CROCC2: variants seen among roughly 807,000 people sequenced by gnomAD.
The protein encoded by CROCC2 is ciliary rootlet coiled-coil protein 2.
Under a neutral mutation model 177.6 loss-of-function variants are expected in CROCC2, and 163 were observed. The observed-to-expected ratio is 0.92, with a 90% CI of 0.81 to 1.05. The LOEUF is 1.05. Ranked by LOEUF, CROCC2 falls within the 50% of genes least tolerant of loss-of-function variation. The probability of loss-of-function intolerance (pLI) is 0.00; values close to 1 mark genes in which losing one functional copy is unlikely to be tolerated. For missense variants in CROCC2, 1,929 were observed against 1,797.8 expected, an observed-to-expected ratio of 1.07 and a Z score of -1.32; for synonymous variants, 904 against 787.3, an observed-to-expected ratio of 1.15 and a Z score of -2.48.
Position 240,946,234 on chromosome 2 carries a change from G to C in CROCC2, c.2344G>C (p.Glu782Gln), listed in dbSNP as rs2059523528. The change falls in exon 15 of 32, where the codon GAA becomes CAA. Residue 782 changes from glutamate (E) to glutamine (Q), a missense_variant. By Grantham distance (29) the Glu-to-Gln change is conservative. Coordinates refer to ENST00000690015, the MANE Select transcript of CROCC2 (RefSeq NM_001351305.2). Reference sequence around the variant, plus strand: ...GGAGAGGCAGGGCCGGCTCGCAGCTGAAGAGGCAGCTGATCTCAGGTATGC... The same window carrying C: ...GGAGAGGCAGGGCCGGCTCGCAGCTCAAGAGGCAGCTGATCTCAGGTATGC... ...ALERQGRLAA[E>Q]EAADLRVERD... is the part of the protein sequence containing the mutation. 1 of 1,535,850 alleles carries C rather than the reference G, an allele frequency of 6.5e-7. No homozygotes were observed. The highest frequency in any genetic ancestry group is 1.2e-5 in the South Asian group (1 of 83,420).
In CROCC2 at chr2:240,968,260, C is replaced by T; in HGVS notation, c.4399C>T (p.Gln1467Ter). 1 of 1,527,208 alleles carries T rather than the reference C, an allele frequency of 6.5e-7. No homozygotes were observed. Among genetic ancestry groups the T allele is most frequent in the East Asian group, 2.5e-5 (1 of 40,744 alleles). The allele number at this position is 1,527,208 out of a possible 1,614,324, so 94.6% of individuals were successfully genotyped here. Residue 1467 changes from glutamine to a stop codon, truncating the protein, a stop_gained and splice_region_variant, in exon 27 of 32, where the codon CAG becomes TAG. Transcript: ENST00000690015. LOFTEE classifies it high-confidence loss of function. ...GGCAGGCCAGGAGAAGCGGCGGCTGCAGGTGGGGCAGGCGGCAGGGTGGGT... is the reference window on the plus strand; with the variant it reads ...GGCAGGCCAGGAGAAGCGGCGGCTGTAGGTGGGGCAGGCGGCAGGGTGGGT... The part of the protein sequence containing the change: ...RAAGQEKRRL[Q>*]EQLETLRQAL...
intron 27 of CROCC2, among the ~76,000 whole-genome samples, chr2:240,977,095 G>A (rs372925508): frequency 6.6e-5 from 3 of 45,428 alleles, no homozygotes; most frequent in African/African-American, 1.2e-4. Context: ...TCCCTGCTCA[G>A]GCTCTGGGGT....
At position 240,933,203 on chromosome 2, in the gene CROCC2, C is replaced by T. The variant is rs1450263933; in HGVS notation, c.1324C>T (p.Arg442Trp). 18 of 1,549,660 alleles carry T rather than the reference C, an allele frequency of 1.2e-5. No homozygotes were observed. Among genetic ancestry groups the T allele is most frequent in the East Asian group, 4.9e-5 (2 of 40,896 alleles). Reference protein sequence around the residue: ...SLQEQLSESRRELWAAQKLQQ... With the variant: ...SLQEQLSESRWELWAAQKLQQ... ...CCAGGAGCAGCTGTCCGAAAGCCGG[C>T]GGGAGCTGTGGGCCGCACAGAAGCT... Residue 442 changes from arginine to tryptophan, a missense_variant, in exon 10 of 32, where the codon CGG (arginine) becomes TGG (tryptophan). By Grantham distance (101) the Arg-to-Trp change is moderately radical. Around this residue, in one of 3 missense-constraint regions of CROCC2, gnomAD observed 1,397 missense variants for 1,239.9 expected, o/e 1.13. Transcript: ENST00000690015.
Position 240,982,803 on chromosome 2 carries a change from C to T in CROCC2, c.4402-77C>T, listed in dbSNP as rs1000168335. 3 of 1,345,146 alleles carry T rather than the reference C, an allele frequency of 2.2e-6. No individual in the cohort carries two copies. In the South Asian group the frequency reaches 4.2e-5, roughly 19 times the overall value. The allele number at this position is 1,345,146 out of a possible 1,614,324, so 83.3% of individuals were successfully genotyped here. A position where few individuals can be genotyped will look rare whatever the true frequency, so the allele number is the denominator to read the frequency against. ...TCCTGCCAGACGGTCTAGGCAGATGCCCTGAGGCCAGGGTTTCCCTGCAGG... is the reference window on the plus strand; with the variant it reads ...TCCTGCCAGACGGTCTAGGCAGATGTCCTGAGGCCAGGGTTTCCCTGCAGG... On this transcript the variant is annotated intron_variant, in intron 27 of 31. Coordinates refer to ENST00000690015, the MANE Select transcript of CROCC2 (RefSeq NM_001351305.2). The surrounding 1 kb of genome is among the most constrained non-coding windows in gnomAD (Gnocchi z 4.7).
intron 23 of CROCC2, 45 bp from the exon 24 acceptor site, chr2:240,965,591 T>A: frequency 6.5e-7 from 1 of 1,549,644 alleles, no homozygotes. Context: ...CCCACCCCAC[T>A]TCCTCACTGT....
At chr2:240,945,825 A>T (rs1445253620) in intron 14 of CROCC2, among the ~76,000 whole-genome samples, 1 of 151,954 alleles carries the variant, frequency 6.6e-6, no homozygotes, top group African/African-American at 2.4e-5. Flanking sequence ...GCTCCTACCT[A>T]GGAGTGCCCA....
chr2:240,914,407 G>C (rs192293876), intron 1 of CROCC2, among the ~76,000 whole-genome samples: 1 of 152,226 alleles, frequency 6.6e-6, no homozygotes, highest in African/African-American at 2.4e-5. Context: ...ATGCTGGCGC[G>C]CGCCTTCACT....
chr2:240,919,823 G>C (rs1172653063), intron 2 of CROCC2, among the ~76,000 whole-genome samples, 160 bp from the exon 3 acceptor site: 1 of 152,150 alleles, frequency 6.6e-6, no homozygotes, highest in Non-Finnish European at 1.5e-5. Flanking sequence ...CCTATGTTAG[G>C]GTCCCGGGCT....
rs761427060 is a variant in CROCC2 at position 240,989,721 on chromosome 2, G to A, written c.4751G>A (p.Arg1584Gln). The A allele has an allele frequency of 2.7e-5, 42 of 1,550,406 alleles. No individual in the cohort carries two copies. The Admixed American group carries it at 3.7e-4, about 14-fold the overall frequency. ...RLQDLTAQHQ[R>Q]DLATEAERLH... ...CAGGACCTGACAGCTCAGCACCAGC[G>A]GGACCTGGCCACAGAGGCAGAGCGT... Residue 1584 changes from arginine (R) to glutamine (Q), a missense_variant, in exon 30 of 32, where the codon CGG (arginine) becomes CAG (glutamine). This residue lies in a region of CROCC2 where 388 missense variants were observed against 352.7 expected (regional missense o/e 1.10). Transcript: ENST00000690015.
rs184919856 is a variant in CROCC2, at chr2:240,974,799, G to A, written c.4401+6537G>A. Among the ~76,000 whole-genome samples, 4 of 152,270 alleles carry A rather than the reference G, an allele frequency of 2.6e-5. No individual in the cohort carries two copies. In the East Asian group the frequency reaches 5.8e-4, roughly 22 times the overall value. ...ATTTTCCCTAATTGTGGTTTGGTAC[G>A]TGTCCCATCAGTTTTTGATGTGAGT... On this transcript the variant is annotated intron_variant, in intron 27 of 31. Coordinates refer to ENST00000690015, the MANE Select transcript of CROCC2 (RefSeq NM_001351305.2).
chr2:240,965,070 G>A (rs886458966), intron 22 of CROCC2, among the ~76,000 whole-genome samples: 2 of 152,124 alleles, frequency 1.3e-5, no homozygotes, highest in African/African-American at 2.4e-5. Flanking sequence ...TGGCGGCCTC[G>A]GGGCAGTTGG....
At chr2:240,940,265 G>A in intron 14 of CROCC2, among the ~76,000 whole-genome samples, 1 of 152,044 alleles carries the variant, frequency 6.6e-6, no homozygotes, top group Non-Finnish European at 1.5e-5. Flanking sequence ...ATTATTAGGT[G>A]TATATATATT....
chr2:240,967,997 C>T lies in CROCC2; in HGVS notation c.4268-132C>T, dbSNP rs1019661653. The T allele has an allele frequency of 3.8e-5, 37 of 964,322 alleles. 1 individual carries two copies. Among genetic ancestry groups the T allele is most frequent in the Non-Finnish European group, 4.9e-5 (35 of 714,502 alleles). 59.7% of individuals were successfully genotyped at this position (964,322 alleles called of 1,614,324 possible). A position where few individuals can be genotyped will look rare whatever the true frequency, so the allele number is the denominator to read the frequency against. The stretch of plus-strand genomic sequence containing the variant: ...CCGGGACCCTGGGGCAGCCCCAGGA[C>T]CCTTGAGCTGCAAGGATGGACCCCC... On this transcript the variant is annotated intron_variant, in intron 26 of 31. Coordinates refer to ENST00000690015, the MANE Select transcript of CROCC2 (RefSeq NM_001351305.2).
Position 240,949,185 on chromosome 2 carries a change from C to A in CROCC2, c.2482+88C>A, listed in dbSNP as rs2059539587. On this transcript the variant is annotated intron_variant, in intron 16 of 31. Coordinates refer to ENST00000690015, the MANE Select transcript of CROCC2 (RefSeq NM_001351305.2). The surrounding 1 kb of genome is among the most constrained non-coding windows in gnomAD (Gnocchi z 4.5). Reference sequence around the variant, plus strand: ...TGGAGCTCAGTGCCCACACGTGCTGCACCCCCTCTCCGGAGCCCACAGGGG... The same window carrying A: ...TGGAGCTCAGTGCCCACACGTGCTGAACCCCCTCTCCGGAGCCCACAGGGG... The A allele has an allele frequency of 6.9e-7, 1 of 1,450,568 alleles. No individual in the cohort carries two copies. The highest frequency in any genetic ancestry group is 2.8e-5 in the Admixed American group (1 of 36,316). 89.9% of individuals were successfully genotyped at this position (1,450,568 alleles called of 1,614,324 possible).
At position 240,949,241 on chromosome 2, in the gene CROCC2, G is replaced by A. The variant is rs1432098488; in HGVS notation, c.2482+144G>A. 6 of 1,423,438 alleles carry A rather than the reference G, an allele frequency of 4.2e-6. No individual in the cohort carries two copies. Among genetic ancestry groups the A allele is most frequent in the Non-Finnish European group, 5.5e-6 (6 of 1,088,592 alleles). 88.2% of individuals were successfully genotyped at this position (1,423,438 alleles called of 1,614,324 possible). On this transcript the variant is annotated intron_variant, in intron 16 of 31. Coordinates refer to ENST00000690015, the MANE Select transcript of CROCC2 (RefSeq NM_001351305.2). The surrounding 1 kb of genome is among the most constrained non-coding windows in gnomAD (Gnocchi z 4.5). ...ACATGAGCTTGGAGCTCATGCGACT[G>A]AGCGACTTGGGCCACCCTCGCCCAT...
intron 8 of CROCC2, 77 bp from the exon 9 acceptor site, chr2:240,932,625 G>C: frequency 1.4e-6 from 1 of 715,134 alleles, no homozygotes. Flanking sequence ...GGACCCTCAG[G>C]ACTGTCTGCG....
At chr2:240,942,683 A>T (rs2059501401) in intron 14 of CROCC2, among the ~76,000 whole-genome samples, 1 of 152,084 alleles carries the variant, frequency 6.6e-6, no homozygotes, top group Non-Finnish European at 1.5e-5. Context: ...CCAGTCCAGG[A>T]TTTAGCTGCT....
rs4076341 is a variant in CROCC2, at chr2:240,906,483, A to C, written c.-31A>C. 169,704 of 398,778 alleles carry C rather than the reference A, an allele frequency of 0.43. 37,479 individuals are homozygous for C. The highest frequency in any genetic ancestry group is 0.48 in the Admixed American group (10,967 of 22,702). The allele number at this position is 398,778 out of a possible 1,614,324, so 24.7% of individuals were successfully genotyped here. ...AGAACTGCCAGGTAGCAAAGCCCAG[A>C]CTTCTCTGGGGTCCTGCGCTCTGGG... On this transcript the variant is annotated 5_prime_UTR_variant, in exon 1 of 32. Coordinates refer to ENST00000690015, the MANE Select transcript of CROCC2 (RefSeq NM_001351305.2).
Position 240,960,528 on chromosome 2 carries a change from G to C in CROCC2, c.3087+1084G>C, listed in dbSNP as rs75064265. On this transcript the variant is annotated intron_variant, in intron 20 of 31. Coordinates refer to ENST00000690015, the MANE Select transcript of CROCC2 (RefSeq NM_001351305.2). The surrounding 1 kb of genome is among the most constrained non-coding windows in gnomAD (Gnocchi z 5.0). ...ACGGGGGGACGCCTGTGTGTGGCAA[G>C]GGCAGGAGGGCACGCGGATCTGGGC... 0.013 allele frequency among the ~76,000 whole-genome samples: 2,042 copies of C among 152,162 alleles called. 84 individuals carry two copies. In the East Asian group the frequency reaches 0.15, roughly 11 times the overall value.
Sources: allele counts gnomAD v4.1 joint callset (sites outside exome capture counted in the v4.1 genomes callset), GRCh38; gene constraint gnomAD v4.1.1; regional missense constraint gnomAD v4.1.1; non-coding constraint Gnocchi (gnomAD v3.1); transcripts MANE v1.5; gene names NCBI Gene and HGNC (gene_info 2026-07-23, HGNC 2026-07-21).